The following EIF4EBP1 variants were observed in gnomAD, a reference collection of about 807,000 sequenced individuals.
The protein encoded by EIF4EBP1 is eukaryotic translation initiation factor 4E binding protein 1, also known as eukaryotic translation initiation factor 4E-binding protein 1.
In EIF4EBP1, 5 loss-of-function variants were observed where a neutral mutation model predicts 9.2. The observed-to-expected ratio is 0.54, with a 90% CI of 0.28 to 1.14. EIF4EBP1 has a LOEUF of 1.14. Ranked by LOEUF, EIF4EBP1 falls within the 50% of genes most tolerant of loss-of-function variation. The pLI is 0.09. For missense variants in EIF4EBP1, 139 were observed against 169.6 expected, an observed-to-expected ratio of 0.82 and a Z score of 1.00; for synonymous variants, 62 against 67.0, an observed-to-expected ratio of 0.93 and a Z score of 0.36.
In EIF4EBP1 at chr8:38,036,806, A is replaced by G. The variant is rs150919503; in HGVS notation, c.145+6088A>G. On this transcript the variant is annotated intron_variant, in intron 1 of 2. Coordinates refer to ENST00000338825, the MANE Select transcript of EIF4EBP1 (RefSeq NM_004095.4). ...TGGGACTACAGGCATGCACCACCAC[A>G]ACCGGCTAATTTTTGTATTTTTTGG... Among the ~76,000 whole-genome samples the G allele has an allele frequency of 9.7e-3, 1,471 of 151,970 alleles. 25 individuals are homozygous for G. The highest frequency in any genetic ancestry group is 0.034 in the African/African-American group (1,396 of 41,434).
At chr8:38,056,515 G>A (rs765955808) in intron 1 of EIF4EBP1, among the ~76,000 whole-genome samples, 14 of 152,164 alleles carry the variant, frequency 9.2e-5, no homozygotes, top group Non-Finnish European at 1.5e-4. Flanking sequence ...AGCACAGTGT[G>A]CACAGAGCTC....
chr8:38,049,764 G>T (rs1809494288), intron 1 of EIF4EBP1, among the ~76,000 whole-genome samples: 2 of 151,930 alleles, frequency 1.3e-5, no homozygotes. Flanking sequence ...TTACAGGCGT[G>T]AGCCACCACA....
At chr8:38,033,878 C>G (rs1809262499) in intron 1 of EIF4EBP1, among the ~76,000 whole-genome samples, 1 of 151,350 alleles carries the variant, frequency 6.6e-6, no homozygotes, top group East Asian at 1.9e-4. Flanking sequence ...TCCCAAGTAG[C>G]TGGGACTACA....
At chr8:38,031,793 C>A (rs1809225840) in intron 1 of EIF4EBP1, among the ~76,000 whole-genome samples, 1 of 152,190 alleles carries the variant, frequency 6.6e-6, no homozygotes, top group South Asian at 2.1e-4. Context: ...TTGTCCAGCC[C>A]TGCCGTCTTA....
chr8:38,039,264 GACAGCCC>G, intron 1 of EIF4EBP1, among the ~76,000 whole-genome samples: 1 of 151,912 alleles, frequency 6.6e-6, no homozygotes, highest in East Asian at 1.9e-4. Flanking sequence ...CAGAAGATTG[GACAGCCC>G]ACTATAGAGT....
chr8:38,056,133 A>G (rs967726049), intron 1 of EIF4EBP1, among the ~76,000 whole-genome samples: 1 of 151,960 alleles, frequency 6.6e-6, no homozygotes, highest in Non-Finnish European at 1.5e-5. Flanking sequence ...CTGGGACTAC[A>G]GGCACGTACC....
intron 1 of EIF4EBP1, among the ~76,000 whole-genome samples, chr8:38,040,772 G>T (rs1433042904): frequency 6.6e-6 from 1 of 152,180 alleles, no homozygotes; most frequent in East Asian, 1.9e-4. Flanking sequence ...TAAGGCCTAG[G>T]CTCAGAAGTC....
At chr8:38,035,456 G>A (rs1015553954) in intron 1 of EIF4EBP1, among the ~76,000 whole-genome samples, 1 of 151,994 alleles carries the variant, frequency 6.6e-6, no homozygotes, top group African/African-American at 2.4e-5. Flanking sequence ...GACCTCAGGT[G>A]ATCCACCCGC....
intron 1 of EIF4EBP1, among the ~76,000 whole-genome samples, chr8:38,045,282 C>T (rs1228385308): frequency 6.6e-6 from 1 of 152,160 alleles, no homozygotes; most frequent in Non-Finnish European, 1.5e-5. Flanking sequence ...TGCCTCCAAG[C>T]ACTATGCTAT....
chr8:38,056,569 T>C (rs1470606510), intron 1 of EIF4EBP1, among the ~76,000 whole-genome samples: 1 of 151,866 alleles, frequency 6.6e-6, no homozygotes, highest in Non-Finnish European at 1.5e-5. Context: ...ACCCCTTCCA[T>C]TGGATCATTC....
intron 1 of EIF4EBP1, among the ~76,000 whole-genome samples, chr8:38,036,191 T>C (rs1367205834): frequency 6.6e-6 from 1 of 151,868 alleles, no homozygotes; most frequent in East Asian, 1.9e-4. Context: ...ATGCTTTGCT[T>C]CTGAGTCTGA....
intron 1 of EIF4EBP1, among the ~76,000 whole-genome samples, chr8:38,053,558 C>T (rs535416839): frequency 9.2e-4 from 140 of 152,304 alleles, no homozygotes; most frequent in Non-Finnish European, 1.4e-3. Flanking sequence ...ACCATGCTGG[C>T]CAGGCTGGTG....
intron 1 of EIF4EBP1, among the ~76,000 whole-genome samples, chr8:38,041,164 C>G (rs1056875156): frequency 1.3e-5 from 2 of 152,074 alleles, no homozygotes; most frequent in Non-Finnish European, 2.9e-5. Flanking sequence ...TGCAGTGGCA[C>G]GATCTCAGCT....
chr8:38,059,679 C>G (rs1283636410), intron 2 of EIF4EBP1, among the ~76,000 whole-genome samples: 1 of 151,660 alleles, frequency 6.6e-6, no homozygotes, highest in Non-Finnish European at 1.5e-5. Flanking sequence ...TCGCTTGAAC[C>G]CAGGAGGCGG....
intron 1 of EIF4EBP1, among the ~76,000 whole-genome samples, chr8:38,032,230 G>A (rs1329143878): frequency 1.3e-5 from 2 of 152,158 alleles, no homozygotes; most frequent in Non-Finnish European, 2.9e-5. Flanking sequence ...AGGCACTTCT[G>A]GCCCGGGTAC....
chr8:38,038,721 G>A (rs1234926298), intron 1 of EIF4EBP1, among the ~76,000 whole-genome samples: 3 of 151,504 alleles, frequency 2.0e-5, no homozygotes, highest in South Asian at 2.1e-4. Context: ...CCAGCGATAC[G>A]AGGTACATGC....
At chr8:38,049,125 C>CAAAA (rs916485531) in intron 1 of EIF4EBP1, among the ~76,000 whole-genome samples, 1 of 79,392 alleles carries the variant, frequency 1.3e-5, no homozygotes, top group East Asian at 3.4e-4. Context: ...AACTCCGTCT[C>CAAAA]AAAAAAAAAA....
At chr8:38,043,743 A>G (rs1215546976) in intron 1 of EIF4EBP1, among the ~76,000 whole-genome samples, 1 of 152,106 alleles carries the variant, frequency 6.6e-6, no homozygotes, top group African/African-American at 2.4e-5. Flanking sequence ...CAGCAGCTTC[A>G]TAAGACCCCT....
At chr8:38,054,408 G>T (rs1307345157) in intron 1 of EIF4EBP1, among the ~76,000 whole-genome samples, 1 of 152,162 alleles carries the variant, frequency 6.6e-6, no homozygotes, top group Admixed American at 6.5e-5. Context: ...CCAAGATTGT[G>T]CCACTGCATT....
Sources: allele counts gnomAD v4.1 joint callset (sites outside exome capture counted in the v4.1 genomes callset), GRCh38; gene constraint gnomAD v4.1.1; transcripts MANE v1.5; gene names NCBI Gene and HGNC (gene_info 2026-07-23, HGNC 2026-07-21).